Variants in VTI1A observed in about 807,000 individuals in gnomAD.
VTI1A encodes the protein vesicle transport through interaction with t-SNAREs homolog 1A.
In VTI1A, 22 loss-of-function variants were observed where a neutral mutation model predicts 34.9. That is an observed-to-expected ratio of 0.63 (90% CI 0.45 to 0.90). VTI1A has a LOEUF of 0.90. Ranked by LOEUF, VTI1A falls within the 40% of genes least tolerant of loss-of-function variation. The pLI is 0.00. For missense variants in VTI1A, 268 were observed against 275.6 expected, an observed-to-expected ratio of 0.97 and a Z score of 0.20; for synonymous variants, 87 against 97.3, an observed-to-expected ratio of 0.89 and a Z score of 0.62.
the VTI1A span, among the ~76,000 whole-genome samples, chr10:112,846,146 T>G: frequency 2.6e-4 from 40 of 152,082 alleles, no homozygotes; most frequent in African/African-American, 9.2e-4. Context: ...AATAAGCGAG[T>G]CATCTTCCAT....
Position 112,815,601 on chromosome 10 carries a change from G to A in VTI1A, c.*218G>A, listed in dbSNP as rs545250840. 2.7e-5 allele frequency: 15 copies of A among 556,072 alleles called. No homozygotes were observed. Among genetic ancestry groups the A allele is most frequent in the East Asian group, 1.8e-4 (6 of 33,440 alleles). The allele number at this position is 556,072 out of a possible 1,614,324, so 34.4% of individuals were successfully genotyped here. A position where few individuals can be genotyped will look rare whatever the true frequency, so the allele number is the denominator to read the frequency against. On this transcript the variant is annotated 3_prime_UTR_variant, in exon 8 of 8. Coordinates refer to ENST00000393077, the MANE Select transcript of VTI1A (RefSeq NM_145206.4). ...TCGAGGTTTGTCTTCACCCAGATTC[G>A]TTTTTTAGAGGGGAAGGTGAATGTT...
At position 112,629,051 on chromosome 10, in the gene VTI1A, A is replaced by G. The variant is rs1271098826; in HGVS notation, c.428-39167A>G. ...TTACTCACTTAATCATGAACAACCT[A>G]GCAGACCCTCTCCATGTTGTCAGTT... On this transcript the variant is annotated intron_variant, in intron 5 of 7. Coordinates refer to ENST00000393077, the MANE Select transcript of VTI1A (RefSeq NM_145206.4). Among the ~76,000 whole-genome samples, 6 of 152,354 alleles carry G rather than the reference A, an allele frequency of 3.9e-5. No homozygotes were observed. The East Asian group carries it at 1.2e-3, about 29-fold the overall frequency.
chr10:112,462,797 G>A (rs1847768758), intron 2 of VTI1A, among the ~76,000 whole-genome samples: 1 of 152,184 alleles, frequency 6.6e-6, no homozygotes, highest in Non-Finnish European at 1.5e-5. Context: ...GGTTCCGGAA[G>A]GAACTTATTA....
intron 5 of VTI1A, among the ~76,000 whole-genome samples, chr10:112,633,065 T>G (rs1040206340): frequency 6.6e-6 from 1 of 152,158 alleles, no homozygotes; most frequent in Non-Finnish European, 1.5e-5. Flanking sequence ...CTCATGCCAG[T>G]AATCCCAGCA....
intron 7 of VTI1A, among the ~76,000 whole-genome samples, chr10:112,741,674 T>C (rs1037455672): frequency 6.6e-6 from 1 of 152,214 alleles, no homozygotes; most frequent in Non-Finnish European, 1.5e-5. Flanking sequence ...TTAAGGTATT[T>C]GAAGGTGAGT....
intron 7 of VTI1A, among the ~76,000 whole-genome samples, chr10:112,677,110 A>G (rs1228489581): frequency 6.6e-6 from 1 of 152,200 alleles, no homozygotes; most frequent in Non-Finnish European, 1.5e-5. Context: ...TGTTCTAGAC[A>G]TGAGAACCTG....
intron 3 of VTI1A, among the ~76,000 whole-genome samples, chr10:112,469,351 G>A (rs1848003784): frequency 6.6e-6 from 1 of 151,796 alleles, no homozygotes; most frequent in Admixed American, 6.6e-5. Context: ...CTGATATTCT[G>A]TATCTGTACA....
chr10:112,840,009 G>A, the VTI1A span, among the ~76,000 whole-genome samples: 1 of 152,120 alleles, frequency 6.6e-6, no homozygotes, highest in Non-Finnish European at 1.5e-5. Flanking sequence ...AGGATAAAGA[G>A]CTGAGAGACT....
chr10:112,455,538 T>G (rs1256289348), intron 1 of VTI1A, among the ~76,000 whole-genome samples: 1 of 97,400 alleles, frequency 1.0e-5, no homozygotes, highest in Non-Finnish European at 2.1e-5. Context: ...GTTCCTTCCC[T>G]TCACTTCCCT....
intron 5 of VTI1A, among the ~76,000 whole-genome samples, chr10:112,560,771 A>G (rs1851699056): frequency 6.6e-6 from 1 of 151,502 alleles, no homozygotes; most frequent in Non-Finnish European, 1.5e-5. Context: ...TAATTTTTGT[A>G]TTTTTAGTAG....
At chr10:112,674,426 A>G (rs762954456) in intron 7 of VTI1A, among the ~76,000 whole-genome samples, 2 of 152,286 alleles carry the variant, frequency 1.3e-5, no homozygotes, top group South Asian at 2.1e-4. Context: ...CAGTTGACTC[A>G]TTGCCTTTGT....
chr10:112,854,458 T>C, the VTI1A span, among the ~76,000 whole-genome samples: 1 of 152,174 alleles, frequency 6.6e-6, no homozygotes, highest in East Asian at 1.9e-4. Context: ...ATGTCTCTAA[T>C]GCTTCGGAGG....
chr10:112,545,522 C>T (rs561650410), intron 5 of VTI1A, among the ~76,000 whole-genome samples: 125 of 152,162 alleles, frequency 8.2e-4, no homozygotes, highest in Middle Eastern at 6.8e-3. Context: ...AGGTAAGTTC[C>T]GAGTTTAAAC....
chr10:112,460,891 A>G (rs1847706891), intron 2 of VTI1A, among the ~76,000 whole-genome samples: 1 of 152,228 alleles, frequency 6.6e-6, no homozygotes, highest in Non-Finnish European at 1.5e-5. Context: ...TAAAAATACT[A>G]CTTGCTTTAT....
At chr10:112,748,943 T>G (rs1432999423) in intron 7 of VTI1A, among the ~76,000 whole-genome samples, 1 of 152,190 alleles carries the variant, frequency 6.6e-6, no homozygotes, top group Non-Finnish European at 1.5e-5. Flanking sequence ...ATGTTTTGTC[T>G]TACATGCTTT....
chr10:112,778,312 G>A (rs1042107942), intron 7 of VTI1A, among the ~76,000 whole-genome samples: 5 of 152,054 alleles, frequency 3.3e-5, no homozygotes, highest in African/African-American at 1.2e-4. Context: ...AGGAAAGGCC[G>A]GTGACTCTGA....
intron 5 of VTI1A, among the ~76,000 whole-genome samples, chr10:112,585,203 C>T (rs1437666036): frequency 4.6e-5 from 7 of 152,150 alleles, no homozygotes; most frequent in Middle Eastern, 3.2e-3. Flanking sequence ...TAAACAGTGT[C>T]GCAGACAGTA....
intron 5 of VTI1A, among the ~76,000 whole-genome samples, chr10:112,558,321 T>A (rs80239975): frequency 0.038 from 5,709 of 151,994 alleles, 356 homozygotes; most frequent in East Asian, 0.26. Flanking sequence ...TTAATTTTTT[T>A]AAAAAAAAGT....
intron 5 of VTI1A, among the ~76,000 whole-genome samples, chr10:112,570,287 G>C (rs1381749494): frequency 6.6e-6 from 1 of 151,994 alleles, no homozygotes; most frequent in East Asian, 1.9e-4. Context: ...CCTGAAGGTT[G>C]CATATTTAAA....
Sources: gnomAD v4.1 joint callset for allele counts (sites outside exome capture counted in the v4.1 genomes callset) on GRCh38, gnomAD v4.1.1 for gene constraint, MANE v1.5 for transcripts, NCBI Gene and HGNC (gene_info 2026-07-23, HGNC 2026-07-21) for gene names.